The following BLVRB variants were observed in gnomAD, a reference collection of about 807,000 sequenced individuals.
The protein encoded by BLVRB is biliverdin reductase B.
Under a neutral mutation model 21.1 loss-of-function variants are expected in BLVRB, and 25 were observed. That is an observed-to-expected ratio of 1.19 (90% CI 0.86 to 1.66). The LOEUF is 1.66. Ranked by LOEUF, BLVRB falls within the 40% of genes most tolerant of loss-of-function variation. The pLI, the probability that BLVRB is intolerant of heterozygous loss-of-function variation, is 0.00. For missense variants in BLVRB, 274 were observed against 282.7 expected (o/e 0.97, Z 0.22); for synonymous variants, 128 against 122.2 (o/e 1.05, Z -0.31).
At chr19:40,452,662 C>T (rs545023427) in intron 3 of BLVRB, among the ~76,000 whole-genome samples, 12 of 152,034 alleles carry the variant, frequency 7.9e-5, no homozygotes, top group Non-Finnish European at 1.5e-4. Context: ...GTTAGGAGTT[C>T]GAGACCAGCC....
chr19:40,449,108 C>T (rs1031602985), intron 4 of BLVRB, among the ~76,000 whole-genome samples: 1 of 151,990 alleles, frequency 6.6e-6, no homozygotes, highest in Non-Finnish European at 1.5e-5. Flanking sequence ...CACCTTCACC[C>T]ATGTGGCATT....
chr19:40,460,065 G>A (rs1033447277), intron 1 of BLVRB, among the ~76,000 whole-genome samples: 3 of 152,052 alleles, frequency 2.0e-5, no homozygotes, highest in Admixed American at 6.6e-5. Flanking sequence ...TCCTTTAGTG[G>A]TCATTAAAGA....
chr19:40,465,468 C>A, intron 1 of BLVRB, 142 bp downstream of exon 1: 1 of 986,840 alleles, frequency 1.0e-6, no homozygotes, highest in Non-Finnish European at 1.5e-6. Flanking sequence ...GCCCCCGTGG[C>A]CACTTGCTTT....
chr19:40,449,890 C>T lies in BLVRB; in HGVS notation c.463+1474G>A, dbSNP rs780265057. 2.6e-5 allele frequency among the ~76,000 whole-genome samples: 4 copies of T among 152,174 alleles called. No homozygotes were observed. The East Asian group carries it at 7.7e-4, about 29-fold the overall frequency. On this transcript the variant is annotated intron_variant, in intron 4 of 4. Coordinates refer to ENST00000263368, the MANE Select transcript of BLVRB (RefSeq NM_000713.3). ...TCATAAACCTTTAATGCTTTCAAAT[C>T]GGGAGGTGTGGAAGTTTTCACACAC...
In BLVRB at chr19:40,455,352, A is replaced by C. The variant is rs555621121; in HGVS notation, c.334+2803T>G. On this transcript the variant is annotated intron_variant, in intron 3 of 4. Coordinates refer to ENST00000263368, the MANE Select transcript of BLVRB (RefSeq NM_000713.3). ...TGTGACAATAGCACTGTGGTGCTGG[A>C]AGAGAAAAGTCCTTTTTCTTGGGAC... Among the ~76,000 whole-genome samples the C allele has an allele frequency of 1.2e-3, 180 of 152,314 alleles. 1 individual carries two copies. The highest frequency in any genetic ancestry group is 2.1e-3 in the Non-Finnish European group (143 of 68,020).
intron 4 of BLVRB, among the ~76,000 whole-genome samples, chr19:40,448,643 A>ATATATATATG (rs2079725836): frequency 7.8e-6 from 1 of 128,444 alleles, no homozygotes; most frequent in Non-Finnish European, 1.7e-5. Context: ...ATATATATAT[A>ATATATATATG]TTTGTCAGAT....
chr19:40,457,192 C>T (rs111303392), intron 3 of BLVRB, among the ~76,000 whole-genome samples: 2 of 150,014 alleles, frequency 1.3e-5, no homozygotes, highest in African/African-American at 4.9e-5. Flanking sequence ...GTGAACCATT[C>T]TGAAATCGCA....
At chr19:40,453,839 A>G (rs2079750839) in intron 3 of BLVRB, among the ~76,000 whole-genome samples, 1 of 152,106 alleles carries the variant, frequency 6.6e-6, no homozygotes, top group South Asian at 2.1e-4. Context: ...GAAAATTAAA[A>G]AATTAGCCAG....
chr19:40,458,432 C>T lies in BLVRB; in HGVS notation c.193G>A (p.Val65Met), dbSNP rs138694963. 124 of 1,595,630 alleles carry T rather than the reference C, an allele frequency of 7.8e-5. No individual in the cohort carries two copies. The African/African-American group carries it at 9.5e-4, about 12-fold the overall frequency. ...VLQAADVDKT[V>M]AGQDAVIVLL... ...ACGATGACAGCGTCCTGCCCAGCCA[C>T]GGTCTTGTCCACATCGGCTGCCTGC... is the stretch of plus-strand genomic sequence containing the variant. The change falls in exon 2 of 5, where the codon GTG becomes ATG. Residue 65 changes from valine to methionine, a missense_variant. Coordinates refer to ENST00000263368, the MANE Select transcript of BLVRB (RefSeq NM_000713.3).
chr19:40,454,637 C>G (rs2079754771), intron 3 of BLVRB, among the ~76,000 whole-genome samples: 3 of 151,990 alleles, frequency 2.0e-5, no homozygotes, highest in Non-Finnish European at 4.4e-5. Context: ...GCTCCTCCTC[C>G]CGGGTTTACG....
chr19:40,451,394 T>G lies in BLVRB; in HGVS notation c.433A>C (p.Lys145Gln), dbSNP rs1253778645. 1.2e-6 allele frequency: 2 copies of G among 1,609,688 alleles called. No homozygotes were observed. The highest frequency in any genetic ancestry group is 1.7e-5 in the Admixed American group (1 of 59,222). Residue 145 changes from lysine to glutamine, a missense_variant, in exon 4 of 5, where the codon AAG becomes CAG. Transcript: ENST00000263368. Reference sequence around the variant, plus strand: ...TGTGGCGGCATCACAGCCACGTACTTCAGGCCTGATTCCCGCAGCACCTTG... The same window carrying G: ...TGTGGCGGCATCACAGCCACGTACTGCAGGCCTGATTCCCGCAGCACCTTG... ...MHKVLRESGL[K>Q]YVAVMPPHIG... is the part of the protein sequence containing the mutation.
rs763050312 is a variant in BLVRB at position 40,465,733 on chromosome 19, G to T, written c.-45C>A. 6 of 1,595,000 alleles carry T rather than the reference G, an allele frequency of 3.8e-6. No individual in the cohort carries two copies. Among genetic ancestry groups the T allele is most frequent in the East Asian group, 4.5e-5 (2 of 44,350 alleles). On this transcript the variant is annotated 5_prime_UTR_variant, in exon 1 of 5. Transcript: ENST00000263368. ...GCAAGGCCTCAGAGTCTCGGCACGC[G>T]CGGGAACCCACTGGCTGCTGGGCGG...
At position 40,465,732 on chromosome 19, in the gene BLVRB, C is replaced by G. The variant is rs996801257; in HGVS notation, c.-44G>C. 14 of 1,596,172 alleles carry G rather than the reference C, an allele frequency of 8.8e-6. No homozygotes were observed. The highest frequency in any genetic ancestry group is 1.1e-5 in the Non-Finnish European group (13 of 1,168,314). ...TGCAAGGCCTCAGAGTCTCGGCACG[C>G]GCGGGAACCCACTGGCTGCTGGGCG... is the stretch of plus-strand genomic sequence containing the variant. On this transcript the variant is annotated 5_prime_UTR_variant, in exon 1 of 5. Transcript: ENST00000263368.
At chr19:40,462,707 T>C (rs1175891462) in intron 1 of BLVRB, among the ~76,000 whole-genome samples, 2 of 148,118 alleles carry the variant, frequency 1.4e-5, no homozygotes, top group South Asian at 2.1e-4. Context: ...CTGGTTAACA[T>C]GGTGAAACCC....
At chr19:40,448,153 T>C (rs944397907) in intron 4 of BLVRB, 107 bp from the exon 5 acceptor site, 1 of 1,259,590 alleles carries the variant, frequency 7.9e-7, no homozygotes, top group African/African-American at 1.5e-5. Flanking sequence ...GTGTCCAGCC[T>C]GGGTGGTGTC....
At position 40,458,406 on chromosome 19, in the gene BLVRB, C is replaced by A; in HGVS notation, c.219G>T (p.Val73=). 2 of 1,590,514 alleles carry A rather than the reference C, an allele frequency of 1.3e-6. No individual in the cohort carries two copies. The highest frequency in any genetic ancestry group is 8.6e-7 in the Non-Finnish European group (1 of 1,169,226). The part of the protein sequence containing the change: ...KTVAGQDAVI[V]LLGTRNDLSP... ...TGAGGTCATTGCGGGTGCCCAGCAG[C>A]ACGATGACAGCGTCCTGCCCAGCCA... Residue 73 remains valine, a synonymous_variant, in exon 2 of 5, where the codon GTG becomes GTT. Transcript: ENST00000263368.
At position 40,454,594 on chromosome 19, in the gene BLVRB, G is replaced by A. The variant is rs2079754508; in HGVS notation, c.335-3102C>T. ...GCAGTCTCGCTCTGTCACCCAGGCT[G>A]GAGTGCAGTGGCACGATCTCAGCTC... On this transcript the variant is annotated intron_variant, in intron 3 of 4. Coordinates refer to ENST00000263368, the MANE Select transcript of BLVRB (RefSeq NM_000713.3). Among the ~76,000 whole-genome samples, 3 of 150,538 alleles carry A rather than the reference G, an allele frequency of 2.0e-5. No individual in the cohort carries two copies. The South Asian group carries it at 6.3e-4, about 31-fold the overall frequency.
intron 4 of BLVRB, among the ~76,000 whole-genome samples, chr19:40,450,940 A>T (rs1484278654): frequency 8.5e-6 from 1 of 118,256 alleles, no homozygotes; most frequent in Non-Finnish European, 1.9e-5. Flanking sequence ...GGGCATGGTG[A>T]TGCAGGCCTG....
At chr19:40,465,505 T>C (rs2145786114) in intron 1 of BLVRB, 105 bp downstream of exon 1, 1 of 1,408,666 alleles carries the variant, frequency 7.1e-7, no homozygotes. Flanking sequence ...TACACCTGGC[T>C]GGGGCGCTCA....
Sources: allele counts gnomAD v4.1 joint callset (sites outside exome capture counted in the v4.1 genomes callset), GRCh38; gene constraint gnomAD v4.1.1; transcripts MANE v1.5; gene names NCBI Gene and HGNC (gene_info 2026-07-23, HGNC 2026-07-21).